Variants in PLS3 observed in about 807,000 individuals in gnomAD.
The protein encoded by PLS3 is plastin-3.
A neutral mutation model predicts 46.5 loss-of-function variants in PLS3; 11 were observed. That is an observed-to-expected ratio of 0.24 (90% CI 0.15 to 0.39). The LOEUF (loss-of-function observed/expected upper bound fraction) is 0.39, where lower values mean the gene tolerates loss of function less well. Ranked by LOEUF, PLS3 falls within the 10% of genes least tolerant of loss-of-function variation. The pLI is 1.00. For missense variants in PLS3, 308 were observed against 461.8 expected (o/e 0.67, Z 3.05); for synonymous variants, 167 against 162.2 (o/e 1.03, Z -0.22).
chrX:115,604,608 C>T (rs1271704421), intron 1 of PLS3, among the ~76,000 whole-genome samples: 3 of 111,445 alleles, frequency 2.7e-5, no homozygotes, highest in African/African-American at 9.8e-5. Context: ...CAACCTTGGG[C>T]GCGGTACAAC....
At chrX:115,619,346 T>TTA (rs2074626900) in intron 2 of PLS3, among the ~76,000 whole-genome samples, 1 of 112,272 alleles carries the variant, frequency 8.9e-6, no homozygotes, top group Non-Finnish European at 1.9e-5. Flanking sequence ...TATGCCACAC[T>TTA]TACTCTCTAG....
chrX:115,574,179 A>G (rs1410682981), intron 1 of PLS3, among the ~76,000 whole-genome samples: 1 of 111,849 alleles, frequency 8.9e-6, no homozygotes, highest in Non-Finnish European at 1.9e-5. Context: ...TTTAGGGAGA[A>G]AGGAAATAAG....
intron 1 of PLS3, among the ~76,000 whole-genome samples, chrX:115,598,358 T>C (rs1480301514): frequency 9.1e-6 from 1 of 109,863 alleles, no homozygotes; most frequent in African/African-American, 3.3e-5. Context: ...CTAGAATTAA[T>C]GCACAGTAAA....
intron 1 of PLS3, among the ~76,000 whole-genome samples, chrX:115,584,271 T>C (rs913396603): frequency 8.9e-6 from 1 of 112,330 alleles, no homozygotes; most frequent in African/African-American, 3.2e-5. Context: ...TTAATAAATA[T>C]TTGTTGAGTG....
chrX:115,649,487 C>G lies in PLS3; in HGVS notation c.1819C>G (p.Leu607Val), dbSNP rs1556642194. The change falls in exon 16 of 16, where the codon CTT becomes GTT. Residue 607 changes from leucine (L) to valine (V), a missense_variant. Coordinates refer to ENST00000355899, the MANE Select transcript of PLS3 (RefSeq NM_005032.7). ...CAGAGTGTATGCTCTCCCTGAAGACCTTGTGGAAGTAAAGCCCAAGATGGT... is the reference window on the plus strand; with the variant it reads ...CAGAGTGTATGCTCTCCCTGAAGACGTTGTGGAAGTAAAGCCCAAGATGGT... ...GARVYALPEDLVEVKPKMVMT... is the reference protein window; with the variant it reads ...GARVYALPEDVVEVKPKMVMT... 8 of 1,203,773 alleles carry G rather than the reference C, an allele frequency of 6.6e-6. No individual in the cohort carries two copies. Among genetic ancestry groups the G allele is most frequent in the Non-Finnish European group, 9.0e-6 (8 of 890,124 alleles).
intron 5 of PLS3, among the ~76,000 whole-genome samples, chrX:115,630,860 ATT>A (rs71959088): frequency 0.05 from 4,360 of 86,857 alleles, 285 homozygotes; most frequent in African/African-American, 0.15. Flanking sequence ...ATATATGTAT[ATT>A]ATACATGTAT....
chrX:115,637,079 C>T (rs2074845109), intron 8 of PLS3, 101 bp downstream of exon 8: 3 of 783,360 alleles, frequency 3.8e-6, no homozygotes, highest in South Asian at 3.0e-5. Flanking sequence ...ATCACCAAGC[C>T]TTGTTGTCTC....
At chrX:115,614,596 C>T in intron 2 of PLS3, 1 of 717,743 alleles carries the variant, frequency 1.4e-6, no homozygotes, top group Non-Finnish European at 1.6e-6. Context: ...TTAGCAGCTG[C>T]CTTTTCTAAG....
intron 1 of PLS3, among the ~76,000 whole-genome samples, chrX:115,606,728 G>C (rs113703519): frequency 0.021 from 2,374 of 111,376 alleles, 52 homozygotes; most frequent in African/African-American, 0.069. Flanking sequence ...AAGAAAATTG[G>C]AATAAATCCT....
At chrX:115,635,832 A>G (rs1263749993) in intron 7 of PLS3, among the ~76,000 whole-genome samples, 2 of 105,168 alleles carry the variant, frequency 1.9e-5, no homozygotes, top group African/African-American at 7.0e-5. Flanking sequence ...TCTACAAACA[A>G]TAGAAAAGTT....
intron 1 of PLS3, among the ~76,000 whole-genome samples, chrX:115,580,617 C>A (rs371049696): frequency 8.9e-6 from 1 of 111,904 alleles, no homozygotes; most frequent in East Asian, 2.8e-4. Context: ...TATTTTTCAA[C>A]AGTTTTAGAT....
At chrX:115,588,887 C>T (rs2074327152) in intron 1 of PLS3, among the ~76,000 whole-genome samples, 1 of 111,784 alleles carries the variant, frequency 8.9e-6, no homozygotes, top group Non-Finnish European at 1.9e-5. Context: ...ATGTGTAGTT[C>T]GATGTATTTT....
At chrX:115,561,707 G>A (rs984913472) in intron 1 of PLS3, among the ~76,000 whole-genome samples, 4 of 110,006 alleles carry the variant, frequency 3.6e-5, no homozygotes, top group Non-Finnish European at 7.6e-5. Flanking sequence ...CCTCCCGCCC[G>A]GACTCAGGAA....
Position 115,623,394 on chromosome X carries a change from G to A in PLS3, c.237+985G>A, listed in dbSNP as rs145543500. Among the ~76,000 whole-genome samples, 892 of 110,658 alleles carry A rather than the reference G, an allele frequency of 8.1e-3. 16 individuals carry two copies. Among genetic ancestry groups the A allele is most frequent in the Middle Eastern group, 0.028 (6 of 214 alleles). On this transcript the variant is annotated intron_variant, in intron 3 of 15. Coordinates refer to ENST00000355899, the MANE Select transcript of PLS3 (RefSeq NM_005032.7). ...TAATTAGCCCAGCCTGGTAGCTCGA[G>A]CCTATAGTCCTAGCTACTCAGGAGG...
At chrX:115,584,836 A>G (rs782774234) in intron 1 of PLS3, among the ~76,000 whole-genome samples, 1 of 112,201 alleles carries the variant, frequency 8.9e-6, no homozygotes, top group Admixed American at 9.5e-5. Flanking sequence ...TGAGTAGTAC[A>G]AGAGCTGACT....
chrX:115,606,160 C>CTTTTTTTT (rs2074490297), intron 1 of PLS3, among the ~76,000 whole-genome samples: 1 of 37,576 alleles, frequency 2.7e-5, no homozygotes, highest in Non-Finnish European at 4.9e-5. Flanking sequence ...TTTTTCTTTT[C>CTTTTTTTT]TTTTCTTTTT....
In PLS3 at chrX:115,636,996, CACA is replaced by C; in HGVS notation, c.891+22_891+24del. On this transcript the variant is annotated intron_variant, in intron 8 of 15. Coordinates refer to ENST00000355899, the MANE Select transcript of PLS3 (RefSeq NM_005032.7). The stretch of plus-strand genomic sequence containing the variant: ...ACATCAAGGTAACTGTTGAAAGAAT[CACA>C]ACATTTTGGGGGGATATAATAGCTG... 6 of 1,197,370 alleles carry C rather than the reference CACA, an allele frequency of 5.0e-6. No individual in the cohort carries two copies. Among genetic ancestry groups the C allele is most frequent in the Non-Finnish European group, 6.8e-6 (6 of 884,798 alleles).
intron 5 of PLS3, among the ~76,000 whole-genome samples, chrX:115,632,416 G>A (rs1019428134): frequency 9.0e-6 from 1 of 110,561 alleles, no homozygotes; most frequent in African/African-American, 3.3e-5. Context: ...TTCGAGCTAC[G>A]ATTTGGGCCT....
chrX:115,644,972 T>A, intron 10 of PLS3, 49 bp from the exon 11 acceptor site: 1 of 777,649 alleles, frequency 1.3e-6, no homozygotes, highest in Non-Finnish European at 2.0e-6. Flanking sequence ...TATATGCACA[T>A]ACATAAAGTG....
Sources: gnomAD v4.1 joint callset for allele counts (sites outside exome capture counted in the v4.1 genomes callset) on GRCh38, gnomAD v4.1.1 for gene constraint, MANE v1.5 for transcripts, NCBI Gene and HGNC (gene_info 2026-07-23, HGNC 2026-07-21) for gene names.